ROCK1: variants seen among roughly 807,000 people sequenced by gnomAD.
ROCK1 encodes the protein rho-associated protein kinase 1.
In ROCK1, 36 loss-of-function variants were observed where a neutral mutation model predicts 196.8. That is an observed-to-expected ratio of 0.18 (90% CI 0.14 to 0.24). The LOEUF (loss-of-function observed/expected upper bound fraction) is 0.24. Among genes scored for constraint, ROCK1 ranks in the 10% least tolerant of loss-of-function variants. ROCK1 has a pLI of 1.00. For synonymous variants in ROCK1, 443 were observed against 515.9 expected (o/e 0.86, Z 1.91); for missense variants, 920 against 1,562.0 (o/e 0.59, Z 6.93).
At chr18:21,097,245 T>G (rs2036620344) in intron 1 of ROCK1, among the ~76,000 whole-genome samples, 1 of 152,240 alleles carries the variant, frequency 6.6e-6, no homozygotes, top group African/African-American at 2.4e-5. Flanking sequence ...GCTGCTACGC[T>G]GTCCCACAAA....
At chr18:21,068,863 T>C (rs943468407) in intron 2 of ROCK1, among the ~76,000 whole-genome samples, 1 of 152,208 alleles carries the variant, frequency 6.6e-6, no homozygotes, top group Non-Finnish European at 1.5e-5. Flanking sequence ...TGTAGCTTTT[T>C]TGCAGAATCT....
intron 1 of ROCK1, among the ~76,000 whole-genome samples, chr18:21,085,534 C>G (rs1167298280): frequency 2.0e-5 from 3 of 151,872 alleles, no homozygotes; most frequent in Middle Eastern, 3.2e-3. Context: ...TAGAAGTTTG[C>G]ATGATTTAAA....
rs910856249 is a variant in ROCK1, at chr18:21,108,056, G to GA, written c.93+2761dup. ...GGCAACAGAGTGAGATTCCATCTCAGAAAAAAAAAAAGGAAAATTCAGTCT... is the reference window on the plus strand; with the variant it reads ...GGCAACAGAGTGAGATTCCATCTCAGAAAAAAAAAAAAGGAAAATTCAGTCT... On this transcript the variant is annotated intron_variant, in intron 1 of 32. Transcript: ENST00000399799. Among the ~76,000 whole-genome samples, 55 of 141,406 alleles carry GA rather than the reference G, an allele frequency of 3.9e-4. 1 individual carries two copies. Among genetic ancestry groups the GA allele is most frequent in the South Asian group, 2.0e-3 (9 of 4,464 alleles). The allele number at this position is 141,406 out of a possible 152,430, so 92.8% of individuals were successfully genotyped here.
chr18:21,032,506 GTTT>G (rs368055407), intron 9 of ROCK1, among the ~76,000 whole-genome samples: 1 of 129,248 alleles, frequency 7.7e-6, no homozygotes, highest in Non-Finnish European at 1.7e-5. Flanking sequence ...AAATAGGAAA[GTTT>G]TTTTTTTTTT....
intron 16 of ROCK1, among the ~76,000 whole-genome samples, chr18:20,996,658 T>A (rs1010830837): frequency 6.6e-6 from 1 of 152,206 alleles, no homozygotes; most frequent in African/African-American, 2.4e-5. Flanking sequence ...ACTGTAACAC[T>A]GCAATTGCAG....
chr18:21,033,165 C>T (rs1171346513), intron 9 of ROCK1, among the ~76,000 whole-genome samples: 4 of 152,090 alleles, frequency 2.6e-5, no homozygotes, highest in African/African-American at 9.6e-5. Context: ...GCACTGCATT[C>T]CAGCCTGGGC....
intron 13 of ROCK1, among the ~76,000 whole-genome samples, chr18:21,009,323 T>G (rs553164023): frequency 6.6e-6 from 1 of 151,272 alleles, no homozygotes; most frequent in South Asian, 2.1e-4. Context: ...AAGACAGGTT[T>G]TTTTTTTTTT....
rs116284863 is a variant in ROCK1, at chr18:21,078,451, A to G, written c.94-7838T>C. Among the ~76,000 whole-genome samples, 1,476 of 151,700 alleles carry G rather than the reference A, an allele frequency of 9.7e-3. 15 individuals carry two copies. The highest frequency in any genetic ancestry group is 0.03 in the African/African-American group (1,252 of 41,302). On this transcript the variant is annotated intron_variant, in intron 1 of 32. Coordinates refer to ENST00000399799, the MANE Select transcript of ROCK1 (RefSeq NM_005406.3). The stretch of plus-strand genomic sequence containing the variant: ...AAATTATTTTAGGCAGATAGAGAGG[A>G]AAAAAAAGGGTCCTTTGGAAGGTTT...
intron 4 of ROCK1, 55 bp from the exon 5 acceptor site, chr18:21,045,522 T>C: frequency 7.3e-7 from 1 of 1,377,784 alleles, no homozygotes; most frequent in Non-Finnish European, 9.6e-7. Flanking sequence ...AACAAAATTG[T>C]TTCACTTAAA....
intron 1 of ROCK1, among the ~76,000 whole-genome samples, chr18:21,105,901 A>G (rs2036698843): frequency 6.6e-6 from 1 of 152,242 alleles, no homozygotes; most frequent in Admixed American, 6.5e-5. Flanking sequence ...ATGATAGGCC[A>G]AAGATTGAGG....
chr18:21,043,588 A>G (rs566794501), intron 6 of ROCK1, among the ~76,000 whole-genome samples: 1 of 140,164 alleles, frequency 7.1e-6, no homozygotes, highest in African/African-American at 3.0e-5. Context: ...ATATGTATAT[A>G]CATATACATA....
At position 21,111,207 on chromosome 18, in the gene ROCK1, G is replaced by A; in HGVS notation, c.-297C>T. ...ACCAGCCTCGTCGCTCCGGCGAGGT[G>A]CTTCAGTCTAGCGGGCCCCGGCCGC... On this transcript the variant is annotated 5_prime_UTR_variant, in exon 1 of 33. Coordinates refer to ENST00000399799, the MANE Select transcript of ROCK1 (RefSeq NM_005406.3). The surrounding 1 kb of genome is among the most constrained non-coding windows in gnomAD (Gnocchi z 4.2). The A allele has an allele frequency of 1.9e-6, 1 of 533,732 alleles. No individual in the cohort carries two copies. The highest frequency in any genetic ancestry group is 3.3e-6 in the Non-Finnish European group (1 of 304,664). 33.1% of individuals were successfully genotyped at this position (533,732 alleles called of 1,614,324 possible).
At chr18:21,009,868 G>T (rs1324858891) in intron 13 of ROCK1, among the ~76,000 whole-genome samples, 1 of 152,124 alleles carries the variant, frequency 6.6e-6, no homozygotes, top group Non-Finnish European at 1.5e-5. Flanking sequence ...AAAAAGTATG[G>T]ATTCGCTTTC....
chr18:20,992,946 T>G lies in ROCK1; in HGVS notation c.1886-9A>C. The G allele has an allele frequency of 6.3e-7, 1 of 1,578,576 alleles. No homozygotes were observed. The stretch of plus-strand genomic sequence containing the variant: ...TAAAGATGTAATTCGAGCTATCAAG[T>G]GAGAAAAAAGTTCAAGTCTGTAGTC... On this transcript the variant is annotated splice_polypyrimidine_tract_variant and intron_variant, in intron 16 of 32. Transcript: ENST00000399799.
At chr18:21,002,763 A>T (rs1454837163) in intron 16 of ROCK1, among the ~76,000 whole-genome samples, 1 of 152,188 alleles carries the variant, frequency 6.6e-6, no homozygotes, top group African/African-American at 2.4e-5. Context: ...TGTTTTTGAG[A>T]CAGGGTCTTG....
chr18:21,016,009 A>AAC (rs1464977571), intron 12 of ROCK1, among the ~76,000 whole-genome samples: 1 of 152,002 alleles, frequency 6.6e-6, no homozygotes, highest in Admixed American at 6.6e-5. Flanking sequence ...ATTATATTGA[A>AAC]ACACAGTAAT....
chr18:21,083,529 C>T (rs950935745), intron 1 of ROCK1, among the ~76,000 whole-genome samples: 10 of 150,246 alleles, frequency 6.7e-5, no homozygotes, highest in African/African-American at 2.5e-4. Context: ...TCCACTTATA[C>T]CTCCTTCCAC....
chr18:21,063,551 C>T (rs1447723801), intron 2 of ROCK1, among the ~76,000 whole-genome samples: 1 of 151,996 alleles, frequency 6.6e-6, no homozygotes, highest in Non-Finnish European at 1.5e-5. Context: ...TGTAAGGAAA[C>T]AAGGAGGAGA....
At position 21,105,466 on chromosome 18, in the gene ROCK1, C is replaced by T. The variant is rs567209189; in HGVS notation, c.93+5352G>A. On this transcript the variant is annotated intron_variant, in intron 1 of 32. Coordinates refer to ENST00000399799, the MANE Select transcript of ROCK1 (RefSeq NM_005406.3). ...CTTTAAGGCTCAAAGATTTAATGAC[C>T]TCAGGTCTTTTCATTCCAAGAGTAA... Among the ~76,000 whole-genome samples, 4 of 152,234 alleles carry T rather than the reference C, an allele frequency of 2.6e-5. No homozygotes were observed. In the South Asian group the frequency reaches 8.3e-4, roughly 32 times the overall value.
Sources: allele counts gnomAD v4.1 joint callset (sites outside exome capture counted in the v4.1 genomes callset), GRCh38; gene constraint gnomAD v4.1.1; non-coding constraint Gnocchi (gnomAD v3.1); transcripts MANE v1.5; gene names NCBI Gene and HGNC (gene_info 2026-07-23, HGNC 2026-07-21).